Variants in NLRP7 observed in about 807,000 individuals in gnomAD.
NLRP7 encodes the protein NLR family pyrin domain containing 7.
NLRP7 carries 72 observed loss-of-function variants against 85.5 expected under a neutral mutation model. The observed-to-expected ratio is 0.84, with a 90% CI of 0.70 to 1.02. The LOEUF is 1.02. Among genes scored for constraint, NLRP7 ranks in the 50% least tolerant of loss-of-function variants. The probability of loss-of-function intolerance (pLI) is 0.00; values close to 1 mark genes in which losing one functional copy is unlikely to be tolerated. For missense variants in NLRP7, 1,243 were observed against 1,219.5 expected, an observed-to-expected ratio of 1.02 and a Z score of -0.29; for synonymous variants, 550 against 505.2, an observed-to-expected ratio of 1.09 and a Z score of -1.19.
chr19:54,939,001 A>G, exon 4 of NLRP7: 1 of 1,614,202 alleles, frequency 6.2e-7, no homozygotes, highest in Non-Finnish European at 8.5e-7. Flanking sequence ...TGAAGGAACA[A>G]TGCATCACTT....
chr19:54,937,951 G>T, intron 5 of NLRP7, 93 bp downstream of exon 5: 6 of 849,528 alleles, frequency 7.1e-6, no homozygotes, highest in Non-Finnish European at 1.2e-5. Context: ...AATACATGGA[G>T]ATGAAACAGC....
chr19:54,944,084 A>G (rs1314097356), intron 1 of NLRP7, among the ~76,000 whole-genome samples: 1 of 152,106 alleles, frequency 6.6e-6, no homozygotes, highest in East Asian at 1.9e-4. Context: ...TCCCCATGTG[A>G]TAGCCTGAGA....
upstream of NLRP7, chr19:54,947,859 A>G (rs1243447825): frequency 4.2e-6 from 1 of 240,692 alleles, no homozygotes; most frequent in Non-Finnish European, 8.5e-6. Flanking sequence ...TCTTGTAGAG[A>G]AAAAAAATTA....
chr19:54,938,959 G>A (rs2069070121), exon 4 of NLRP7: 3 of 1,613,570 alleles, frequency 1.9e-6, no homozygotes, highest in East Asian at 2.2e-5. Context: ...CCTGCAGTGA[G>A]AGTTTCTGCA....
Position 54,923,744 on chromosome 19 carries a change from CA to C in NLRP7, c.2938del (p.Cys980AlafsTer32). The stretch of plus-strand genomic sequence containing the variant: ...CGTAGAGCGATCCCAGGCTGCTCAG[CA>C]AAAAAAGTCACAGCACGGAGGTGCC... On this transcript the variant is annotated frameshift_variant, in exon 10 of 10. Coordinates refer to ENST00000340844, the Ensembl canonical transcript of NLRP7. LOFTEE classifies it high-confidence loss of function. The C allele has an allele frequency of 3.1e-6, 5 of 1,612,748 alleles. No homozygotes were observed. Among genetic ancestry groups the C allele is most frequent in the Middle Eastern group, 2.0e-4 (1 of 5,084 alleles).
At chr19:54,929,396 G>A (rs1380099760) in intron 9 of NLRP7, among the ~76,000 whole-genome samples, 2 of 103,862 alleles carry the variant, frequency 1.9e-5, no homozygotes, top group Non-Finnish European at 4.2e-5. Context: ...GTGTTCTAGT[G>A]TTTTTTTTCT....
chr19:54,923,634 C>T lies in NLRP7; in HGVS notation c.*106G>A, dbSNP rs368327070. 6.6e-5 allele frequency: 86 copies of T among 1,309,122 alleles called. No homozygotes were observed. The African/African-American group carries it at 9.8e-4, about 15-fold the overall frequency. 81.1% of individuals were successfully genotyped at this position (1,309,122 alleles called of 1,614,324 possible). A position where few individuals can be genotyped will look rare whatever the true frequency, so the allele number is the denominator to read the frequency against. On this transcript the variant is annotated 3_prime_UTR_variant, in exon 10 of 10. Coordinates refer to ENST00000340844, the Ensembl canonical transcript of NLRP7. ...AAAACCAGTGTCAAATCCTACCTCT[C>T]GACAGACTCTAGTGTTAACATGTGA...
At chr19:54,936,493 G>T in intron 5 of NLRP7, 62 bp from the exon 6 acceptor site, 1 of 1,380,086 alleles carries the variant, frequency 7.2e-7, no homozygotes, top group Non-Finnish European at 1.0e-6. Flanking sequence ...GTGGAGGCAT[G>T]TATAAACAAA....
exon 2 of NLRP7, chr19:54,941,530 G>T (rs930949107): frequency 1.9e-5 from 31 of 1,613,764 alleles, no homozygotes; most frequent in Non-Finnish European, 2.5e-5. Flanking sequence ...TTCTGAGGAG[G>T]TGTTGACCAG....
intron 9 of NLRP7, among the ~76,000 whole-genome samples, chr19:54,925,089 G>A (rs2068375273): frequency 6.6e-6 from 1 of 152,126 alleles, no homozygotes; most frequent in Non-Finnish European, 1.5e-5. Context: ...TGGTGATTGT[G>A]GAGACACTGG....
At chr19:54,944,280 G>A (rs964847744) in intron 1 of NLRP7, among the ~76,000 whole-genome samples, 38 of 151,992 alleles carry the variant, frequency 2.5e-4, no homozygotes, top group African/African-American at 9.2e-4. Context: ...TCCATCCACC[G>A]AGATAGGGGA....
intron 8 of NLRP7, among the ~76,000 whole-genome samples, chr19:54,931,284 C>T (rs1042567809): frequency 2.6e-5 from 4 of 151,682 alleles, no homozygotes; most frequent in African/African-American, 9.7e-5. Context: ...TCGGGCCGGG[C>T]GCGGTGGCTC....
At chr19:54,941,197 A>C (rs2069203960) in intron 2 of NLRP7, among the ~76,000 whole-genome samples, 192 bp from the exon 3 acceptor site, 1 of 127,458 alleles carries the variant, frequency 7.8e-6, no homozygotes, top group Non-Finnish European at 1.6e-5. Flanking sequence ...CCCCATCTCT[A>C]CTAAAAATAC....
intron 8 of NLRP7, among the ~76,000 whole-genome samples, chr19:54,933,203 T>C (rs887216897): frequency 6.6e-6 from 1 of 152,160 alleles, no homozygotes; most frequent in African/African-American, 2.4e-5. Context: ...TGGAGTGCAG[T>C]GGTGCGATCT....
intron 2 of NLRP7, 49 bp downstream of exon 2, chr19:54,941,381 CAAAAA>C (rs55704982): frequency 5.4e-4 from 371 of 683,764 alleles, no homozygotes; most frequent in Middle Eastern, 6.9e-4. Context: ...GACTCCATCT[CAAAAA>C]AAAAAAAAAA....
chr19:54,937,345 C>T (rs1168154161), intron 5 of NLRP7, among the ~76,000 whole-genome samples: 1 of 151,812 alleles, frequency 6.6e-6, no homozygotes, highest in South Asian at 2.1e-4. Flanking sequence ...GTGTAACTAA[C>T]CTGTACTTGT....
At chr19:54,927,801 ACGCATTCAC>A in intron 9 of NLRP7, 26 bp from the exon 10 acceptor site, 1 of 1,606,034 alleles carries the variant, frequency 6.2e-7, no homozygotes, top group Non-Finnish European at 8.5e-7. Flanking sequence ...ATGGAAATCC[ACGCATTCAC>A]TGAGCAGGTA....
chr19:54,943,130 A>T (rs2069306208), intron 1 of NLRP7, among the ~76,000 whole-genome samples: 1 of 149,372 alleles, frequency 6.7e-6, no homozygotes, highest in African/African-American at 2.5e-5. Flanking sequence ...CTGGGCAACA[A>T]GAGCGAAACT....
At position 54,934,644 on chromosome 19, in the gene NLRP7, A is replaced by G. The variant is rs970307303; in HGVS notation, c.2316T>C (p.Cys772=). Reference sequence around the variant, plus strand: ...ATTCAGCCCACTGCTCCGGGGTGGCACAGTGACCTCCCAACCTGTGAAAAG... The same window carrying G: ...ATTCAGCCCACTGCTCCGGGGTGGCGCAGTGACCTCCCAACCTGTGAAAAG... Residue 772 remains cysteine (C), a synonymous_variant, in exon 7 of 10, where the codon TGT becomes TGC. Coordinates refer to ENST00000340844, the Ensembl canonical transcript of NLRP7. The surrounding 1 kb of genome is among the most constrained non-coding windows in gnomAD (Gnocchi z 6.7). 11 of 1,613,536 alleles carry G rather than the reference A, an allele frequency of 6.8e-6. No homozygotes were observed. The highest frequency in any genetic ancestry group is 8.5e-6 in the Non-Finnish European group (10 of 1,179,794).
Sources: allele counts gnomAD v4.1 joint callset (sites outside exome capture counted in the v4.1 genomes callset), GRCh38; gene constraint gnomAD v4.1.1; non-coding constraint Gnocchi (gnomAD v3.1); transcripts MANE v1.5; gene names NCBI Gene and HGNC (gene_info 2026-07-23, HGNC 2026-07-21).